UBN2: variants seen among roughly 807,000 people sequenced by gnomAD.
UBN2 encodes ubinuclein-2.
In UBN2, 35 loss-of-function variants were observed where a neutral mutation model predicts 120.2. That is an observed-to-expected ratio of 0.29 (90% CI 0.22 to 0.39). The LOEUF (loss-of-function observed/expected upper bound fraction) is 0.39. Ranked by LOEUF, UBN2 falls within the 10% of genes least tolerant of loss-of-function variation. The probability of loss-of-function intolerance (pLI) is 1.00; values close to 1 mark genes in which losing one functional copy is unlikely to be tolerated. For missense variants in UBN2, 1,693 were observed against 1,663.2 expected, an observed-to-expected ratio of 1.02 and a Z score of -0.31; for synonymous variants, 661 against 648.7, an observed-to-expected ratio of 1.02 and a Z score of -0.29.
In UBN2 at chr7:139,299,118, T is replaced by A. The variant is rs943274258; in HGVS notation, c.*1282T>A. 5.3e-5 allele frequency: 8 copies of A among 152,170 alleles called. No homozygotes were observed. Among genetic ancestry groups the A allele is most frequent in the African/African-American group, 1.9e-4 (8 of 41,454 alleles). 9.4% of individuals were successfully genotyped at this position (152,170 alleles called of 1,614,324 possible). A position where few individuals can be genotyped will look rare whatever the true frequency, so the allele number is the denominator to read the frequency against. ...AGTTATTATAGCTTCCTTATGCAAA[T>A]AGCATATTCAACAAAGGATGTTAAG... On this transcript the variant is annotated 3_prime_UTR_variant, in exon 18 of 18. Coordinates refer to ENST00000473989, the MANE Select transcript of UBN2 (RefSeq NM_173569.4).
At chr7:139,289,928 C>T (rs546423851) in intron 15 of UBN2, among the ~76,000 whole-genome samples, 2 of 151,668 alleles carry the variant, frequency 1.3e-5, no homozygotes, top group East Asian at 1.9e-4. Flanking sequence ...GAGTCTTGCT[C>T]TGTTGCCCAG....
chr7:139,288,336 A>C (rs1797849305), intron 15 of UBN2, among the ~76,000 whole-genome samples: 1 of 152,198 alleles, frequency 6.6e-6, no homozygotes, highest in Non-Finnish European at 1.5e-5. Context: ...TGAGGAGGTA[A>C]TGTTTGATTT....
chr7:139,258,436 T>C, intron 3 of UBN2, 52 bp from the exon 4 acceptor site: 1 of 1,389,834 alleles, frequency 7.2e-7, no homozygotes, highest in South Asian at 1.9e-5. Flanking sequence ...TTGACATTTA[T>C]AGAGTTAAAG....
At chr7:139,288,846 AC>A (rs1797861995) in intron 15 of UBN2, among the ~76,000 whole-genome samples, 1 of 151,970 alleles carries the variant, frequency 6.6e-6, no homozygotes, top group South Asian at 2.1e-4. Context: ...TACTAAAAAT[AC>A]AAAAATTAGC....
chr7:139,242,904 A>AT (rs564042547), intron 2 of UBN2, among the ~76,000 whole-genome samples: 4 of 152,206 alleles, frequency 2.6e-5, no homozygotes, highest in Non-Finnish European at 5.9e-5. Context: ...ATGTAAAGAG[A>AT]TAAGGTGGCA....
intron 3 of UBN2, among the ~76,000 whole-genome samples, chr7:139,257,758 G>A (rs1311069345): frequency 2.6e-5 from 4 of 151,938 alleles, no homozygotes; most frequent in African/African-American, 4.8e-5. Context: ...AAAAGCATAC[G>A]GCTAAGACAG....
Position 139,283,344 on chromosome 7 carries a change from G to C in UBN2, c.2439G>C (p.Leu813=). The C allele has an allele frequency of 6.2e-7, 1 of 1,613,920 alleles. No homozygotes were observed. Among genetic ancestry groups the C allele is most frequent in the Non-Finnish European group, 8.5e-7 (1 of 1,179,986 alleles). Residue 813 remains leucine (L), a synonymous_variant, in exon 15 of 18, where the codon CTG becomes CTC. Coordinates refer to ENST00000473989, the MANE Select transcript of UBN2 (RefSeq NM_173569.4). ...AATTAGCAAGTATCATGAGTAAGCT[G>C]CCACTAGCTACTCCCAAAAAACTAG... ...EEKLASIMSK[L]PLATPKKLDS...
intron 9 of UBN2, 49 bp from the exon 10 acceptor site, chr7:139,273,248 G>GGA (rs1306427951): frequency 8.1e-7 from 1 of 1,230,550 alleles, no homozygotes. Flanking sequence ...ATATTATATA[G>GGA]GCAGTGTTGG....
intron 15 of UBN2, 21 bp from the exon 16 acceptor site, chr7:139,293,211 T>C (rs1463545371): frequency 6.2e-7 from 1 of 1,601,036 alleles, no homozygotes; most frequent in Non-Finnish European, 8.6e-7. Flanking sequence ...TTATGTATTT[T>C]GACCCCTGGT....
chr7:139,291,122 A>G (rs1797943465), intron 15 of UBN2, among the ~76,000 whole-genome samples: 2 of 152,120 alleles, frequency 1.3e-5, no homozygotes, highest in African/African-American at 4.8e-5. Flanking sequence ...GCACTTTGGG[A>G]GGCTGAGGCA....
downstream of UBN2, among the ~76,000 whole-genome samples, chr7:139,310,455 C>T (rs1294736418): frequency 1.3e-5 from 2 of 152,162 alleles, no homozygotes; most frequent in African/African-American, 2.4e-5. Flanking sequence ...AGCAGTGATA[C>T]GTATCTGAGT....
the UBN2 span, among the ~76,000 whole-genome samples, chr7:139,320,643 C>G: frequency 6.6e-6 from 1 of 151,918 alleles, no homozygotes; most frequent in East Asian, 1.9e-4. Flanking sequence ...AGATCACTTG[C>G]GGTCAGACGT....
chr7:139,261,948 C>CTTTTTTT (rs72000087), intron 6 of UBN2, among the ~76,000 whole-genome samples: 2 of 131,968 alleles, frequency 1.5e-5, no homozygotes, highest in South Asian at 2.4e-4. Flanking sequence ...TTCTTTCTTT[C>CTTTTTTT]TTTTTTTTTT....
In UBN2 at chr7:139,304,496, G is replaced by A. The variant is rs562723700; in HGVS notation, c.*6660G>A. On this transcript the variant is annotated 3_prime_UTR_variant, in exon 18 of 18. Transcript: ENST00000473989. ...AAGAAAAATGGATGCTGCAGTTTTA[G>A]TTGGGGCTAAATGCTGAGCAACGAT... The A allele has an allele frequency of 8.5e-5, 13 of 152,294 alleles. No homozygotes were observed. The highest frequency in any genetic ancestry group is 6.2e-4 in the South Asian group (3 of 4,828). 9.4% of individuals were successfully genotyped at this position (152,294 alleles called of 1,614,324 possible).
At chr7:139,323,004 G>C in the UBN2 span, among the ~76,000 whole-genome samples, 3 of 152,168 alleles carry the variant, frequency 2.0e-5, no homozygotes, top group African/African-American at 7.2e-5. Flanking sequence ...AGCAGGTCCA[G>C]CTTGTCTGTT....
At chr7:139,294,206 T>C (rs918935273) in intron 17 of UBN2, among the ~76,000 whole-genome samples, 1 of 152,196 alleles carries the variant, frequency 6.6e-6, no homozygotes, top group African/African-American at 2.4e-5. Context: ...GTGTTTATTA[T>C]GTGGAAATGA....
rs185797697 is a variant in UBN2 at position 139,241,958 on chromosome 7, G to A, written c.561+4861G>A. ...GATTGCAGTGAGCCGAAATCACGCCGTTGTACTCCAGCCTGGCGACAAGAG... is the reference window on the plus strand; with the variant it reads ...GATTGCAGTGAGCCGAAATCACGCCATTGTACTCCAGCCTGGCGACAAGAG... On this transcript the variant is annotated intron_variant, in intron 2 of 17. Transcript: ENST00000473989. Among the ~76,000 whole-genome samples the A allele has an allele frequency of 1.9e-3, 285 of 152,052 alleles. 2 individuals are homozygous for A. Among genetic ancestry groups the A allele is most frequent in the African/African-American group, 6.5e-3 (268 of 41,482 alleles).
chr7:139,287,634 T>A (rs1188116102), intron 15 of UBN2, among the ~76,000 whole-genome samples: 1 of 152,122 alleles, frequency 6.6e-6, no homozygotes, highest in Admixed American at 6.5e-5. Flanking sequence ...GCTTTATGAT[T>A]TGGAGACTGA....
intron 2 of UBN2, among the ~76,000 whole-genome samples, chr7:139,251,273 T>C (rs1796618755): frequency 6.6e-6 from 1 of 152,202 alleles, no homozygotes; most frequent in Non-Finnish European, 1.5e-5. Flanking sequence ...CTTCACCCAC[T>C]GTCCCCTGTT....
Sources: allele counts gnomAD v4.1 joint callset (sites outside exome capture counted in the v4.1 genomes callset), GRCh38; gene constraint gnomAD v4.1.1; transcripts MANE v1.5; gene names NCBI Gene and HGNC (gene_info 2026-07-23, HGNC 2026-07-21).